Variants in TWIST1 observed in about 807,000 individuals in gnomAD.
The protein encoded by TWIST1 is twist family bHLH transcription factor 1, also known as twist-related protein 1.
A neutral mutation model predicts 12.9 loss-of-function variants in TWIST1; 8 were observed. That is an observed-to-expected ratio of 0.62 (90% CI 0.37 to 1.12). TWIST1 has a LOEUF of 1.12. Among genes scored for constraint, TWIST1 ranks in the 50% most tolerant of loss-of-function variants. The pLI, the probability that TWIST1 is intolerant of heterozygous loss-of-function variation, is 0.02. For synonymous variants in TWIST1, 169 were observed against 138.7 expected (o/e 1.22, Z -1.54); for missense variants, 268 against 299.7 (o/e 0.89, Z 0.78).
rs1303593562 is a variant in TWIST1, at chr7:19,116,538, G to C, written c.*42+133C>G. On this transcript the variant is annotated intron_variant, in intron 1 of 1. Coordinates refer to ENST00000242261, the MANE Select transcript of TWIST1 (RefSeq NM_000474.4). The stretch of plus-strand genomic sequence containing the variant: ...GGGACGCTGGGGGCGCGAGGCAACG[G>C]TGCCAAGTGAGGTGGGAAGGCTGAG... The C allele has an allele frequency of 3.8e-6, 3 of 783,904 alleles. No individual in the cohort carries two copies. The Admixed American group carries it at 7.9e-5, about 21-fold the overall frequency. The allele number at this position is 783,904 out of a possible 1,614,324, so 48.6% of individuals were successfully genotyped here.
In TWIST1 at chr7:19,117,375, G is replaced by C. The variant is rs1463479537; in HGVS notation, c.-54C>G. Reference sequence around the variant, plus strand: ...GGCCCGGGGCAGAGGAGAAGAGCGGGGCGCCTCAGCCCGCCAGCTTCCCCC... The same window carrying C: ...GGCCCGGGGCAGAGGAGAAGAGCGGCGCGCCTCAGCCCGCCAGCTTCCCCC... On this transcript the variant is annotated 5_prime_UTR_variant, in exon 1 of 2. Coordinates refer to ENST00000242261, the MANE Select transcript of TWIST1 (RefSeq NM_000474.4). 4.4e-6 allele frequency: 6 copies of C among 1,372,144 alleles called. No individual in the cohort carries two copies. In the African/African-American group the frequency reaches 9.1e-5, roughly 21 times the overall value. 85.0% of individuals were successfully genotyped at this position (1,372,144 alleles called of 1,614,324 possible).
Position 19,116,702 on chromosome 7 carries a change from G to T in TWIST1, c.*11C>A. The stretch of plus-strand genomic sequence containing the variant: ...CTCCGGCCCTGCTGAGGGGGTGGGG[G>T]GCTCCGCCTGCTAGTGGGACGCGGA... On this transcript the variant is annotated 3_prime_UTR_variant, in exon 1 of 2. Transcript: ENST00000242261. The T allele has an allele frequency of 6.3e-7, 1 of 1,594,892 alleles. No individual in the cohort carries two copies. The highest frequency in any genetic ancestry group is 8.5e-7 in the Non-Finnish European group (1 of 1,171,574).
chr7:19,116,372 G>A (rs983187688), intron 1 of TWIST1, among the ~76,000 whole-genome samples: 3 of 152,194 alleles, frequency 2.0e-5, no homozygotes, highest in Admixed American at 6.5e-5. Flanking sequence ...AAAGGGTGGC[G>A]CTGACAAAAC....
Position 19,117,080 on chromosome 7 carries a change from C to G in TWIST1, c.242G>C (p.Cys81Ser). ...GCCGCCCGCGCCGCCGCCGCCGCCACAGCCCGCAGACTTCTTGCCGCGCTT... is the reference window on the plus strand; with the variant it reads ...GCCGCCCGCGCCGCCGCCGCCGCCAGAGCCCGCAGACTTCTTGCCGCGCTT... ...QGKRGKKSAG[C>S]GGGGGAGGGG... Residue 81 changes from cysteine to serine, a missense_variant, in exon 1 of 2, where the codon TGT becomes TCT. This residue lies in a region of TWIST1 where 189 missense variants were observed against 172.1 expected (regional missense o/e 1.10). Transcript: ENST00000242261. 7.2e-7 allele frequency: 1 copy of G among 1,397,294 alleles called. No homozygotes were observed. The highest frequency in any genetic ancestry group is 9.2e-7 in the Non-Finnish European group (1 of 1,084,286). The allele number at this position is 1,397,294 out of a possible 1,614,324, so 86.6% of individuals were successfully genotyped here.
Position 19,117,288 on chromosome 7 carries a change from G to C in TWIST1, c.34C>G (p.Pro12Ala). The change falls in exon 1 of 2, where the codon CCG becomes GCG. Residue 12 changes from proline (P) to alanine (A), a missense_variant. By Grantham distance (27) the Pro-to-Ala change is conservative (BLOSUM62 -1). Around this residue, in one of 2 missense-constraint regions of TWIST1, gnomAD observed 189 missense variants for 172.1 expected, o/e 1.10. Coordinates refer to ENST00000242261, the MANE Select transcript of TWIST1 (RefSeq NM_000474.4). ...MQDVSSSPVS[P>A]ADDSLSNSEE... Reference sequence around the variant, plus strand: ...CTGTTGCTCAGGCTGTCGTCGGCCGGCGAGACTGGCGAGCTGGACACGTCC... The same window carrying C: ...CTGTTGCTCAGGCTGTCGTCGGCCGCCGAGACTGGCGAGCTGGACACGTCC... 6.8e-7 allele frequency: 1 copy of C among 1,475,654 alleles called. No individual in the cohort carries two copies. The highest frequency in any genetic ancestry group is 9.0e-7 in the Non-Finnish European group (1 of 1,117,064). The allele number at this position is 1,475,654 out of a possible 1,614,324, so 91.4% of individuals were successfully genotyped here. A position where few individuals can be genotyped will look rare whatever the true frequency, so the allele number is the denominator to read the frequency against.
Position 19,117,568 on chromosome 7 carries a change from G to C in TWIST1, c.-247C>G. The stretch of plus-strand genomic sequence containing the variant: ...CCAAAAAGAAAGCGCCCAACGGCTG[G>C]ACGCACACCCCGCCAGGCCTCCTGG... On this transcript the variant is annotated 5_prime_UTR_variant, in exon 1 of 2. Coordinates refer to ENST00000242261, the MANE Select transcript of TWIST1 (RefSeq NM_000474.4). 8.9e-7 allele frequency: 1 copy of C among 1,122,196 alleles called. No homozygotes were observed. The highest frequency in any genetic ancestry group is 1.1e-6 in the Non-Finnish European group (1 of 908,072). The allele number at this position is 1,122,196 out of a possible 1,614,324, so 69.5% of individuals were successfully genotyped here.
rs1312209232 is a variant in TWIST1, at chr7:19,117,619, G to T, written c.-298C>A. 2 of 1,065,672 alleles carry T rather than the reference G, an allele frequency of 1.9e-6. No individual in the cohort carries two copies. The highest frequency in any genetic ancestry group is 1.7e-5 in the African/African-American group (1 of 59,104). The allele number at this position is 1,065,672 out of a possible 1,614,324, so 66.0% of individuals were successfully genotyped here. ...AAACGGTGCCGGTGCTGCAGAGCCC[G>T]CGAGGTGTCTGGGAGTTGGGCGAGA... is the stretch of plus-strand genomic sequence containing the variant. On this transcript the variant is annotated 5_prime_UTR_variant, in exon 1 of 2. Transcript: ENST00000242261.
intron 1 of TWIST1, among the ~76,000 whole-genome samples, chr7:19,116,440 C>T (rs911744387): frequency 6.6e-6 from 1 of 152,220 alleles, no homozygotes; most frequent in African/African-American, 2.4e-5. Flanking sequence ...CACACTCACG[C>T]GCACACACAC....
rs746786963 is a variant in TWIST1, at chr7:19,116,810, T to C, written c.512A>G (p.Lys171Arg). The change falls in exon 1 of 2, where the codon AAG becomes AGG. Residue 171 changes from lysine to arginine, a missense_variant. Around this residue, in one of 2 missense-constraint regions of TWIST1, gnomAD observed 79 missense variants for 127.6 expected, o/e 0.62. Transcript: ENST00000242261. The part of the protein sequence containing the change: ...QVLQSDELDS[K>R]MASCSYVAHE... ...AGCCACATAGCTGCAGCTTGCCATC[T>C]TGGAGTCCAGCTCGTCGCTCTGGAG... is the stretch of plus-strand genomic sequence containing the variant. 1.2e-6 allele frequency: 2 copies of C among 1,614,048 alleles called. No homozygotes were observed. The highest frequency in any genetic ancestry group is 1.3e-5 in the African/African-American group (1 of 74,942).
downstream of TWIST1, chr7:19,113,674 C>G (rs2522196): frequency 6.6e-6 from 1 of 151,972 alleles, no homozygotes; most frequent in Non-Finnish European, 1.5e-5. Flanking sequence ...CTCTGAAAAT[C>G]TGGGGGGAAA....
chr7:19,117,119 C>G lies in TWIST1; in HGVS notation c.203G>C (p.Ser68Thr), dbSNP rs1051003265. The G allele has an allele frequency of 6.9e-6, 8 of 1,162,242 alleles. No homozygotes were observed. The highest frequency in any genetic ancestry group is 4.0e-5 in the South Asian group (1 of 24,908). The allele number at this position is 1,162,242 out of a possible 1,614,324, so 72.0% of individuals were successfully genotyped here. A position where few individuals can be genotyped will look rare whatever the true frequency, so the allele number is the denominator to read the frequency against. Residue 68 changes from serine to threonine, a missense_variant, in exon 1 of 2, where the codon AGC (serine) becomes ACC (threonine). Coordinates refer to ENST00000242261, the MANE Select transcript of TWIST1 (RefSeq NM_000474.4). ...GGVGGGDEPG[S>T]PAQGKRGKKS... ...CTTGCCGCGCTTGCCCTGGGCCGGG[C>G]TGCCCGGCTCGTCGCCGCCTCCGAC...
chr7:19,117,040 G>T lies in TWIST1; in HGVS notation c.282C>A (p.Ser94Arg). The T allele has an allele frequency of 6.9e-7, 1 of 1,458,688 alleles. No individual in the cohort carries two copies. Among genetic ancestry groups the T allele is most frequent in the Non-Finnish European group, 8.9e-7 (1 of 1,117,390 alleles). 90.4% of individuals were successfully genotyped at this position (1,458,688 alleles called of 1,614,324 possible). ...AAGACTGCGGACTCCCGCCGCCGCTGCTGCTGCCGCCGCCGCCGCCCGCGC... is the reference window on the plus strand; with the variant it reads ...AAGACTGCGGACTCCCGCCGCCGCTTCTGCTGCCGCCGCCGCCGCCCGCGC... ...GGGAGGGGGS[S>R]SGGGSPQSYE... is the part of the protein sequence containing the mutation. The change falls in exon 1 of 2, where the codon AGC (serine) becomes AGA (arginine). Residue 94 changes from serine (S) to arginine (R), a missense_variant. By Grantham distance (110) the Ser-to-Arg change is moderately radical. Coordinates refer to ENST00000242261, the MANE Select transcript of TWIST1 (RefSeq NM_000474.4).
In TWIST1 at chr7:19,117,100, G is replaced by A. The variant is rs1237295406; in HGVS notation, c.222C>T (p.Arg74=). 7.5e-7 allele frequency: 1 copy of A among 1,335,372 alleles called. No individual in the cohort carries two copies. The highest frequency in any genetic ancestry group is 1.9e-5 in the South Asian group (1 of 52,874). The allele number at this position is 1,335,372 out of a possible 1,614,324, so 82.7% of individuals were successfully genotyped here. The change falls in exon 1 of 2, where the codon CGC becomes CGT. Residue 74 remains arginine (R), a synonymous_variant. Coordinates refer to ENST00000242261, the MANE Select transcript of TWIST1 (RefSeq NM_000474.4). ...DEPGSPAQGK[R]GKKSAGCGGG... ...CGCCACAGCCCGCAGACTTCTTGCC[G>A]CGCTTGCCCTGGGCCGGGCTGCCCG...
Position 19,115,992 on chromosome 7 carries a change from G to A in TWIST1, c.*182C>T, listed in dbSNP as rs1404943139. On this transcript the variant is annotated 3_prime_UTR_variant, in exon 2 of 2. Transcript: ENST00000242261. ...GTCTCGCTTTCTCTTTTAAAAGTGCGCCCCACGCCCTGTTTCTTTGAATTT... is the reference window on the plus strand; with the variant it reads ...GTCTCGCTTTCTCTTTTAAAAGTGCACCCCACGCCCTGTTTCTTTGAATTT... 6.6e-6 allele frequency: 1 copy of A among 152,464 alleles called. No individual in the cohort carries two copies. Among genetic ancestry groups the A allele is most frequent in the Admixed American group, 6.5e-5 (1 of 15,268 alleles). 9.4% of individuals were successfully genotyped at this position (152,464 alleles called of 1,614,324 possible).
chr7:19,113,398 A>G (rs899706471), downstream of TWIST1: 2 of 152,256 alleles, frequency 1.3e-5, no homozygotes, highest in Non-Finnish European at 2.9e-5. Flanking sequence ...AACAAGAGGT[A>G]ATTCATTCTA....
chr7:19,115,188 TAAA>T (rs1373937663), downstream of TWIST1, among the ~76,000 whole-genome samples: 3 of 152,130 alleles, frequency 2.0e-5, no homozygotes, highest in Non-Finnish European at 4.4e-5. Flanking sequence ...CACCTCAAAA[TAAA>T]AAGGAGGTGA....
chr7:19,116,864 G>A lies in TWIST1; in HGVS notation c.458C>T (p.Ala153Val). The A allele has an allele frequency of 6.2e-7, 1 of 1,614,146 alleles. No homozygotes were observed. The highest frequency in any genetic ancestry group is 8.5e-7 in the Non-Finnish European group (1 of 1,180,004). Residue 153 changes from alanine to valine, a missense_variant, in exon 1 of 2, where the codon GCC becomes GTC. Ala to Val is a moderately conservative substitution (Grantham distance 64). Coordinates refer to ENST00000242261, the MANE Select transcript of TWIST1 (RefSeq NM_000474.4). ...CTGGTAGAGGAAGTCGATGTACCTG[G>A]CCGCCAGCTTGAGGGTCTGAATCTT... ...LSKIQTLKLA[A>V]RYIDFLYQVL...
chr7:19,116,701 G>T lies in TWIST1; in HGVS notation c.*12C>A. 1 of 1,594,096 alleles carries T rather than the reference G, an allele frequency of 6.3e-7. No homozygotes were observed. Among genetic ancestry groups the T allele is most frequent in the East Asian group, 2.3e-5 (1 of 43,802 alleles). ...TCTCCGGCCCTGCTGAGGGGGTGGG[G>T]GGCTCCGCCTGCTAGTGGGACGCGG... On this transcript the variant is annotated 3_prime_UTR_variant, in exon 1 of 2. Transcript: ENST00000242261.
rs986782502 is a variant in TWIST1 at position 19,117,392 on chromosome 7, G to A, written c.-71C>T. The A allele has an allele frequency of 8.4e-6, 11 of 1,310,384 alleles. No individual in the cohort carries two copies. In the African/African-American group the frequency reaches 1.1e-4, roughly 13 times the overall value. The allele number at this position is 1,310,384 out of a possible 1,614,324, so 81.2% of individuals were successfully genotyped here. The stretch of plus-strand genomic sequence containing the variant: ...AAGAGCGGGGCGCCTCAGCCCGCCA[G>A]CTTCCCCCGCGCGCGGCGCCGGCCC... On this transcript the variant is annotated 5_prime_UTR_variant, in exon 1 of 2. Coordinates refer to ENST00000242261, the MANE Select transcript of TWIST1 (RefSeq NM_000474.4).
Sources: gnomAD v4.1 joint callset for allele counts (sites outside exome capture counted in the v4.1 genomes callset) on GRCh38, gnomAD v4.1.1 for gene constraint, gnomAD v4.1.1 regional missense constraint, MANE v1.5 for transcripts, NCBI Gene and HGNC (gene_info 2026-07-23, HGNC 2026-07-21) for gene names.